VAT1L: variants seen among roughly 807,000 people sequenced by gnomAD.
VAT1L encodes the protein vesicle amine transport 1 like, also known as putative NADPH-dependent quinone oxidoreductase VAT1L.
VAT1L carries 34 observed loss-of-function variants against 44.1 expected under a neutral mutation model. The observed-to-expected ratio is 0.77, with a 90% CI of 0.59 to 1.03. The LOEUF (loss-of-function observed/expected upper bound fraction) is 1.03. Among genes scored for constraint, VAT1L ranks in the 50% least tolerant of loss-of-function variants. The pLI, the probability that VAT1L is intolerant of heterozygous loss-of-function variation, is 0.00. For missense variants in VAT1L, 615 were observed against 538.8 expected, an observed-to-expected ratio of 1.14 and a Z score of -1.40; for synonymous variants, 253 against 202.2, an observed-to-expected ratio of 1.25 and a Z score of -2.13.
chr16:77,875,609 T>C (rs1433147580), intron 4 of VAT1L, among the ~76,000 whole-genome samples: 1 of 151,984 alleles, frequency 6.6e-6, no homozygotes, highest in Non-Finnish European at 1.5e-5. Flanking sequence ...AGTGAGTGAG[T>C]GAATCAATGA....
At chr16:77,812,226 T>C (rs1283527755) in intron 1 of VAT1L, among the ~76,000 whole-genome samples, 1 of 151,920 alleles carries the variant, frequency 6.6e-6, no homozygotes. Context: ...GCGTGCGCTA[T>C]CACGCCCGGC....
chr16:77,960,336 C>T (rs2018147920), intron 7 of VAT1L, among the ~76,000 whole-genome samples: 1 of 152,070 alleles, frequency 6.6e-6, no homozygotes, highest in Admixed American at 6.6e-5. Flanking sequence ...AGGAAGCAAG[C>T]AGCACACTTA....
intron 7 of VAT1L, among the ~76,000 whole-genome samples, chr16:77,891,236 C>T (rs774515482): frequency 1.6e-4 from 24 of 152,182 alleles, no homozygotes; most frequent in Non-Finnish European, 2.9e-4. Context: ...CGCTTGTAGT[C>T]CCAGCTACTC....
intron 3 of VAT1L, among the ~76,000 whole-genome samples, chr16:77,825,690 G>A (rs2016511725): frequency 6.6e-6 from 1 of 151,930 alleles, no homozygotes; most frequent in South Asian, 2.1e-4. Context: ...GGCCTGTGAG[G>A]ACACAATGGC....
chr16:77,979,891 C>G lies in VAT1L; in HGVS notation c.*2196C>G, dbSNP rs1449363967. The G allele has an allele frequency of 2.0e-5, 3 of 152,572 alleles. No homozygotes were observed. Among genetic ancestry groups the G allele is most frequent in the Admixed American group, 2.0e-4 (3 of 15,278 alleles). 9.5% of individuals were successfully genotyped at this position (152,572 alleles called of 1,614,324 possible). On this transcript the variant is annotated 3_prime_UTR_variant, in exon 9 of 9. Coordinates refer to ENST00000302536, the MANE Select transcript of VAT1L (RefSeq NM_020927.3). ...ACTCTCATTTTAAGCACCTTCTTTC[C>G]TGTCTCTTGATTGTTTTTTCTGAAG...
At chr16:77,920,928 T>C (rs2017604707) in intron 7 of VAT1L, among the ~76,000 whole-genome samples, 1 of 16,544 alleles carries the variant, frequency 6.0e-5, no homozygotes, top group African/African-American at 1.4e-4. Flanking sequence ...GTCATATGAC[T>C]GTGTGTGTGT....
At chr16:77,872,576 A>G (rs750457131) in intron 4 of VAT1L, among the ~76,000 whole-genome samples, 4 of 151,928 alleles carry the variant, frequency 2.6e-5, no homozygotes, top group Non-Finnish European at 5.9e-5. Flanking sequence ...CCCAACCTCA[A>G]AGCAAGCGGC....
intron 7 of VAT1L, among the ~76,000 whole-genome samples, chr16:77,963,063 G>A (rs1486843817): frequency 6.6e-6 from 1 of 152,248 alleles, no homozygotes; most frequent in African/African-American, 2.4e-5. Context: ...GAGGCTTCTA[G>A]TGGATCCAGT....
chr16:77,821,034 C>G (rs922212380), intron 2 of VAT1L, among the ~76,000 whole-genome samples: 1 of 152,068 alleles, frequency 6.6e-6, no homozygotes, highest in African/African-American at 2.4e-5. Context: ...GAATTTCTTC[C>G]CTTATTCTCT....
intron 1 of VAT1L, among the ~76,000 whole-genome samples, chr16:77,791,425 A>G (rs956785515): frequency 6.6e-6 from 1 of 152,218 alleles, no homozygotes; most frequent in African/African-American, 2.4e-5. Flanking sequence ...TGAGGCAGGA[A>G]GAAATATCCA....
chr16:77,866,001 C>T (rs939708570), intron 4 of VAT1L, among the ~76,000 whole-genome samples: 2 of 152,136 alleles, frequency 1.3e-5, no homozygotes, highest in Admixed American at 6.5e-5. Context: ...TGAGACCCAC[C>T]TCACCCTCAC....
At chr16:77,922,751 G>T (rs963485001) in intron 7 of VAT1L, among the ~76,000 whole-genome samples, 1 of 152,142 alleles carries the variant, frequency 6.6e-6, no homozygotes, top group Non-Finnish European at 1.5e-5. Flanking sequence ...CCATTTGATG[G>T]ATAAAAACGG....
chr16:77,914,951 C>T (rs1384256938), intron 7 of VAT1L, among the ~76,000 whole-genome samples: 5 of 152,132 alleles, frequency 3.3e-5, no homozygotes, highest in African/African-American at 1.2e-4. Flanking sequence ...CATGGAGAAA[C>T]CCCGTCTCTA....
At chr16:77,952,747 A>G (rs1329681481) in intron 7 of VAT1L, among the ~76,000 whole-genome samples, 5 of 150,352 alleles carry the variant, frequency 3.3e-5, no homozygotes, top group African/African-American at 1.2e-4. Flanking sequence ...AGTCCCAGCT[A>G]CTCAGGAGGC....
intron 1 of VAT1L, among the ~76,000 whole-genome samples, chr16:77,796,745 G>C (rs912646444): frequency 1.3e-5 from 2 of 152,176 alleles, no homozygotes; most frequent in Non-Finnish European, 2.9e-5. Flanking sequence ...TTCTTGCCTA[G>C]CGTTCTCACA....
At chr16:77,970,549 C>T (rs2018268100) in intron 7 of VAT1L, among the ~76,000 whole-genome samples, 1 of 152,194 alleles carries the variant, frequency 6.6e-6, no homozygotes, top group Non-Finnish European at 1.5e-5. Flanking sequence ...TCTTCTTTAA[C>T]AACCACATAT....
At chr16:77,792,567 G>A (rs556988961) in intron 1 of VAT1L, among the ~76,000 whole-genome samples, 2 of 152,166 alleles carry the variant, frequency 1.3e-5, no homozygotes, top group East Asian at 1.9e-4. Context: ...TGTGTCATTG[G>A]CTGTGAGCTA....
intron 6 of VAT1L, chr16:77,882,362 TAGA>T (rs946824447): frequency 9.2e-5 from 14 of 152,350 alleles, no homozygotes; most frequent in African/African-American, 2.9e-4. Context: ...ATGATACTAA[TAGA>T]AGAAGTTAAC....
intron 7 of VAT1L, among the ~76,000 whole-genome samples, chr16:77,955,909 C>A (rs1188678744): frequency 2.0e-5 from 3 of 152,192 alleles, no homozygotes; most frequent in African/African-American, 7.2e-5. Flanking sequence ...TACCTGGCAA[C>A]AGTGCATCAA....
Sources: allele counts gnomAD v4.1 joint callset (sites outside exome capture counted in the v4.1 genomes callset), GRCh38; gene constraint gnomAD v4.1.1; transcripts MANE v1.5; gene names NCBI Gene and HGNC (gene_info 2026-07-23, HGNC 2026-07-21).